The following PAK6 variants were observed in gnomAD, a reference collection of about 807,000 sequenced individuals.
The protein encoded by PAK6 is serine/threonine-protein kinase PAK 6.
A neutral mutation model predicts 60.8 loss-of-function variants in PAK6; 33 were observed. That is an observed-to-expected ratio of 0.54 (90% CI 0.41 to 0.73). The LOEUF (loss-of-function observed/expected upper bound fraction) is 0.73. Among genes scored for constraint, PAK6 ranks in the 30% least tolerant of loss-of-function variants. The probability of loss-of-function intolerance (pLI) is 0.00; values close to 1 mark genes in which losing one functional copy is unlikely to be tolerated. For synonymous variants in PAK6, 404 were observed against 378.5 expected (o/e 1.07, Z -0.78); for missense variants, 845 against 904.1 (o/e 0.93, Z 0.84).
chr15:40,268,729 C>T (rs1002871705), intron 5 of PAK6, among the ~76,000 whole-genome samples: 17 of 152,136 alleles, frequency 1.1e-4, no homozygotes, highest in African/African-American at 4.1e-4. Flanking sequence ...GAAGACAGGG[C>T]GTGGGGGCAC....
At chr15:40,242,515 C>T (rs896498113) in intron 2 of PAK6, among the ~76,000 whole-genome samples, 4 of 152,184 alleles carry the variant, frequency 2.6e-5, no homozygotes, top group Admixed American at 6.5e-5. Flanking sequence ...CTGCACCTAC[C>T]GGGCCTCAAG....
At chr15:40,255,144 T>C (rs1437527671) in intron 3 of PAK6, among the ~76,000 whole-genome samples, 2 of 152,168 alleles carry the variant, frequency 1.3e-5, no homozygotes, top group Non-Finnish European at 2.9e-5. Flanking sequence ...TAGCTAGGCA[T>C]TGAGGACCCT....
At chr15:40,252,796 G>T (rs905740570) in intron 2 of PAK6, 1 of 1,298,996 alleles carries the variant, frequency 7.7e-7, no homozygotes, top group Non-Finnish European at 1.0e-6. Context: ...GGACCAGCCG[G>T]CGCCAGGCGA....
chr15:40,275,938 G>T, exon 11 of PAK6: 1 of 1,613,006 alleles, frequency 6.2e-7, no homozygotes, highest in African/African-American at 1.3e-5. Context: ...TCTCCCCAGT[G>T]CTGCGAGACT....
chr15:40,256,612 G>A (rs1039282056), intron 3 of PAK6, among the ~76,000 whole-genome samples: 13 of 152,190 alleles, frequency 8.5e-5, no homozygotes, highest in Non-Finnish European at 1.5e-4. Flanking sequence ...ATGGGCCTGA[G>A]AATAACAGAG....
intron 2 of PAK6, among the ~76,000 whole-genome samples, chr15:40,244,291 A>G (rs2038437640): frequency 7.2e-6 from 1 of 139,682 alleles, no homozygotes; most frequent in South Asian, 2.7e-4. Flanking sequence ...GGATCGTGCC[A>G]CTGCACTCCA....
chr15:40,275,992 A>G, exon 11 of PAK6: 1 of 1,613,450 alleles, frequency 6.2e-7, no homozygotes, highest in Non-Finnish European at 8.5e-7. Context: ...AGAGAGCCAC[A>G]GCCCAGGAGC....
chr15:40,265,777 T>TGC, intron 4 of PAK6, 65 bp from the exon 5 acceptor site: 1 of 1,445,924 alleles, frequency 6.9e-7, no homozygotes. Flanking sequence ...GACCCTGATC[T>TGC]CCCAGCCACC....
At chr15:40,262,044 T>C (rs2038998485) in intron 3 of PAK6, among the ~76,000 whole-genome samples, 1 of 151,806 alleles carries the variant, frequency 6.6e-6, no homozygotes, top group Non-Finnish European at 1.5e-5. Context: ...GAGAGGGCTG[T>C]TCTGGGGTGG....
chr15:40,257,941 T>C (rs759004245), intron 3 of PAK6, among the ~76,000 whole-genome samples: 2 of 152,156 alleles, frequency 1.3e-5, no homozygotes, highest in Non-Finnish European at 1.5e-5. Context: ...AAGCCAAGCC[T>C]GTGGGTCGCC....
chr15:40,265,986 C>T, exon 5 of PAK6: 1 of 1,602,820 alleles, frequency 6.2e-7, no homozygotes. Flanking sequence ...CCTGGGGCTG[C>T]TGGGGGATGA....
At chr15:40,253,024 G>A in intron 2 of PAK6, 154 bp from the exon 3 acceptor site, 1 of 407,514 alleles carries the variant, frequency 2.5e-6, no homozygotes, top group South Asian at 2.0e-5. Context: ...CGTAAGCCCC[G>A]CAAGGAGCCT....
intron 5 of PAK6, among the ~76,000 whole-genome samples, chr15:40,267,357 C>T (rs2140983511): frequency 6.6e-6 from 1 of 152,278 alleles, no homozygotes; most frequent in South Asian, 2.1e-4. Context: ...AGCTGAGGTA[C>T]TCAGAGAAAG....
rs1237776933 is a variant in PAK6 at position 40,272,232 on chromosome 15, C to G, written c.867C>G (p.Ser289=). The change falls in exon 6 of 11, where the codon TCC becomes TCG. Residue 289 remains serine (S), a synonymous_variant. Coordinates refer to ENST00000560346, the Ensembl canonical transcript of PAK6. ...TTGCTTTGTCCCTGCAGCCCAACTCCTCTTTCCGACCGCCGCAGAAAGACA... is the reference window on the plus strand; with the variant it reads ...TTGCTTTGTCCCTGCAGCCCAACTCGTCTTTCCGACCGCCGCAGAAAGACA... 5.0e-6 allele frequency: 8 copies of G among 1,607,342 alleles called. No individual in the cohort carries two copies. In the African/African-American group the frequency reaches 1.1e-4, roughly 21 times the overall value.
At chr15:40,273,322 G>C (rs767455941) in intron 7 of PAK6, 24 bp from the exon 8 acceptor site, 3 of 1,609,910 alleles carry the variant, frequency 1.9e-6, no homozygotes, top group Admixed American at 1.7e-5. Flanking sequence ...CTCTTTCATC[G>C]GGTGGCCCCA....
exon 11 of PAK6, chr15:40,277,135 G>A (rs992703498): frequency 1.3e-5 from 2 of 152,314 alleles, no homozygotes; most frequent in East Asian, 3.9e-4. Flanking sequence ...TGGGAGAGAA[G>A]GCGAACCACC....
chr15:40,250,651 G>C (rs758251366), intron 2 of PAK6: 1 of 152,182 alleles, frequency 6.6e-6, no homozygotes, highest in Non-Finnish European at 1.5e-5. Context: ...AAACCAAATT[G>C]AATACCAGTT....
chr15:40,272,359 T>C (rs781664567), exon 6 of PAK6: 1 of 1,613,500 alleles, frequency 6.2e-7, no homozygotes, highest in South Asian at 1.1e-5. Flanking sequence ...CCCCCAGAAG[T>C]CCCTCCGCAC....
chr15:40,254,441 G>A (rs923930416), intron 3 of PAK6, among the ~76,000 whole-genome samples: 2 of 152,174 alleles, frequency 1.3e-5, no homozygotes, highest in Non-Finnish European at 2.9e-5. Context: ...CAGGGTCTCT[G>A]GACCTCGTGG....
Sources: allele counts gnomAD v4.1 joint callset (sites outside exome capture counted in the v4.1 genomes callset), GRCh38; gene constraint gnomAD v4.1.1; transcripts MANE v1.5; gene names NCBI Gene and HGNC (gene_info 2026-07-23, HGNC 2026-07-21).